The following VEPH1 variants were observed in gnomAD, a reference collection of about 807,000 sequenced individuals.
VEPH1 encodes ventricular zone expressed PH domain containing 1, also known as ventricular zone-expressed PH domain-containing protein homolog 1.
VEPH1 carries 80 observed loss-of-function variants against 85.2 expected under a neutral mutation model. That is an observed-to-expected ratio of 0.94 (90% confidence interval 0.78 to 1.13). VEPH1 has a LOEUF of 1.13. Ranked by LOEUF, VEPH1 falls within the 50% of genes most tolerant of loss-of-function variation. The pLI is 0.00. For synonymous variants in VEPH1, 297 were observed against 348.0 expected (o/e 0.85, Z 1.63); for missense variants, 955 against 980.5 (o/e 0.97, Z 0.35).
intron 4 of VEPH1, among the ~76,000 whole-genome samples, chr3:157,453,420 C>T (rs79842232): frequency 1.3e-5 from 2 of 152,102 alleles, no homozygotes; most frequent in East Asian, 1.9e-4. Flanking sequence ...ATGAGGTTCT[C>T]GTGGGCATTG....
chr3:157,439,358 T>C (rs1733932137), intron 4 of VEPH1, among the ~76,000 whole-genome samples: 1 of 152,236 alleles, frequency 6.6e-6, no homozygotes, highest in South Asian at 2.1e-4. Flanking sequence ...CTTTTACCCA[T>C]ATGCTTTGAT....
At position 157,268,220 on chromosome 3, in the gene VEPH1, G is replaced by T. The variant is rs147870403; in HGVS notation, c.2129-2558C>A. Among the ~76,000 whole-genome samples the T allele has an allele frequency of 3.3e-5, 5 of 152,250 alleles. No individual in the cohort carries two copies. In the South Asian group the frequency reaches 6.2e-4, roughly 19 times the overall value. On this transcript the variant is annotated intron_variant, in intron 12 of 13. Transcript: ENST00000362010. ...AGAGACTTCAGTTAAAGTGCTTAGG[G>T]CACTGTGTCTCCCCACTGGGTTATG...
intron 10 of VEPH1, among the ~76,000 whole-genome samples, chr3:157,314,439 G>A (rs1450000161): frequency 6.8e-6 from 1 of 146,024 alleles, no homozygotes; most frequent in African/African-American, 2.5e-5. Flanking sequence ...TTATTTCATA[G>A]TATTTTCAAG....
intron 9 of VEPH1, among the ~76,000 whole-genome samples, chr3:157,341,336 TG>T (rs778141324): frequency 2.0e-4 from 31 of 152,268 alleles, no homozygotes; most frequent in Admixed American, 5.9e-4. Flanking sequence ...TTAAATGACT[TG>T]ATGGAGCTGA....
Position 157,363,544 on chromosome 3 carries a change from C to T in VEPH1, c.1555G>A (p.Glu519Lys). 6.2e-7 allele frequency: 1 copy of T among 1,614,120 alleles called. No homozygotes were observed. Among genetic ancestry groups the T allele is most frequent in the Non-Finnish European group, 8.5e-7 (1 of 1,180,024 alleles). The change falls in exon 9 of 14, where the codon GAG becomes AAG. Residue 519 changes from glutamate (E) to lysine (K), a missense_variant. Transcript: ENST00000362010. Reference sequence around the variant, plus strand: ...TCTTTAACAGTTTCTGACAAATTCTCTGAGTCTATATGTATAATATTTGGG... The same window carrying T: ...TCTTTAACAGTTTCTGACAAATTCTTTGAGTCTATATGTATAATATTTGGG... Reference protein sequence around the residue: ...SYPNIIHIDSENLSETVKENS... With the variant: ...SYPNIIHIDSKNLSETVKENS...
chr3:157,303,001 A>C (rs1719001990), intron 11 of VEPH1, among the ~76,000 whole-genome samples: 1 of 152,234 alleles, frequency 6.6e-6, no homozygotes, highest in African/African-American at 2.4e-5. Flanking sequence ...TGAAATAACA[A>C]GTATGTAAAA....
At position 157,442,135 on chromosome 3, in the gene VEPH1, G is replaced by A. The variant is rs117355576; in HGVS notation, c.530-13647C>T. Among the ~76,000 whole-genome samples, 480 of 152,176 alleles carry A rather than the reference G, an allele frequency of 3.2e-3. 7 individuals carry two copies. The East Asian group carries it at 0.036, about 12-fold the overall frequency. On this transcript the variant is annotated intron_variant, in intron 4 of 13. Transcript: ENST00000362010. Reference sequence around the variant, plus strand: ...TGGACTAGTTGGCTCTTCTATTTGCGTGCTTTCTCTTCATTTAGATGCTTC... The same window carrying A: ...TGGACTAGTTGGCTCTTCTATTTGCATGCTTTCTCTTCATTTAGATGCTTC...
At chr3:157,402,521 A>G (rs1730857957) in intron 6 of VEPH1, among the ~76,000 whole-genome samples, 1 of 152,178 alleles carries the variant, frequency 6.6e-6, no homozygotes, top group Non-Finnish European at 1.5e-5. Context: ...GAGATTTAAA[A>G]AATCAACCAC....
At chr3:157,461,260 T>C (rs1179357059) in intron 3 of VEPH1, among the ~76,000 whole-genome samples, 1 of 152,232 alleles carries the variant, frequency 6.6e-6, no homozygotes, top group Non-Finnish European at 1.5e-5. Context: ...TTTCTTTTTT[T>C]TTCTACCACA....
At chr3:157,455,037 G>A (rs1235585801) in intron 4 of VEPH1, among the ~76,000 whole-genome samples, 1 of 152,160 alleles carries the variant, frequency 6.6e-6, no homozygotes, top group Non-Finnish European at 1.5e-5. Flanking sequence ...ATTGTAAATA[G>A]TGTTGCAATG....
chr3:157,477,589 C>T (rs116466366), intron 2 of VEPH1, among the ~76,000 whole-genome samples: 150 of 152,116 alleles, frequency 9.9e-4, no homozygotes, highest in African/African-American at 3.6e-3. Context: ...AAAGTATAAA[C>T]ATCTTTTTTA....
intron 9 of VEPH1, among the ~76,000 whole-genome samples, chr3:157,334,481 G>C (rs986547124): frequency 4.6e-5 from 7 of 152,162 alleles, no homozygotes; most frequent in Non-Finnish European, 7.3e-5. Context: ...TGCAGCTGCT[G>C]TAACAACATG....
At chr3:157,394,201 G>T (rs1041723223) in intron 6 of VEPH1, among the ~76,000 whole-genome samples, 10 of 152,218 alleles carry the variant, frequency 6.6e-5, no homozygotes, top group Non-Finnish European at 1.3e-4. Context: ...ACATGTGAAA[G>T]ATTTTCTTTG....
intron 9 of VEPH1, 75 bp from the exon 10 acceptor site, chr3:157,317,276 C>T: frequency 7.5e-7 from 1 of 1,341,140 alleles, no homozygotes; most frequent in East Asian, 2.6e-5. Flanking sequence ...CTTCAACACA[C>T]AAATGCCTTT....
intron 9 of VEPH1, among the ~76,000 whole-genome samples, chr3:157,338,918 A>C (rs1449586731): frequency 6.6e-6 from 1 of 152,182 alleles, no homozygotes; most frequent in African/African-American, 2.4e-5. Flanking sequence ...TGTGTTGAGC[A>C]CTTGCTTTGT....
intron 1 of VEPH1, among the ~76,000 whole-genome samples, chr3:157,498,655 A>G (rs534765188): frequency 6.6e-6 from 1 of 152,260 alleles, no homozygotes; most frequent in Middle Eastern, 3.4e-3. Context: ...TCCAATGAGT[A>G]CCTCCACATG....
intron 5 of VEPH1, among the ~76,000 whole-genome samples, chr3:157,416,557 T>A (rs1731928001): frequency 6.6e-6 from 1 of 152,116 alleles, no homozygotes; most frequent in Admixed American, 6.6e-5. Context: ...CAATGAAAAA[T>A]GCTTGCACAT....
intron 2 of VEPH1, among the ~76,000 whole-genome samples, chr3:157,491,493 A>G (rs1267501804): frequency 1.3e-5 from 2 of 152,204 alleles, no homozygotes; most frequent in Non-Finnish European, 2.9e-5. Context: ...TTGAGTAGTC[A>G]CATTTTCAAA....
Position 157,261,154 on chromosome 3 carries a change from C to T in VEPH1, c.2482G>A (p.Glu828Lys), listed in dbSNP as rs1408463807. ...AATCCCTACAGATATGTGGTTACTTCTCTACTTTCCCTTTCTTTGGCTTGG... is the reference window on the plus strand; with the variant it reads ...AATCCCTACAGATATGTGGTTACTTTTCTACTTTCCCTTTCTTTGGCTTGG... ...VAQAKERESR[E>K]VTTYL The change falls in exon 14 of 14, where the codon GAA (glutamate) becomes AAA (lysine). Residue 828 changes from glutamate to lysine, a missense_variant. Physicochemically the swap from Glu to Lys is moderately conservative, Grantham distance 56. Transcript: ENST00000362010. The T allele has an allele frequency of 2.5e-6, 4 of 1,613,592 alleles. No homozygotes were observed. The highest frequency in any genetic ancestry group is 1.7e-5 in the Admixed American group (1 of 59,974).
Sources: gnomAD v4.1 joint callset for allele counts (sites outside exome capture counted in the v4.1 genomes callset) on GRCh38, gnomAD v4.1.1 for gene constraint, MANE v1.5 for transcripts, NCBI Gene and HGNC (gene_info 2026-07-23, HGNC 2026-07-21) for gene names.